RAP1GAP2: variants seen among roughly 807,000 people sequenced by gnomAD.
RAP1GAP2 encodes RAP1 GTPase activating protein 2, also known as rap1 GTPase-activating protein 2.
A neutral mutation model predicts 95.0 loss-of-function variants in RAP1GAP2; 27 were observed. That is an observed-to-expected ratio of 0.28 (90% CI 0.21 to 0.39). The LOEUF (loss-of-function observed/expected upper bound fraction) is 0.39, where lower values mean the gene tolerates loss of function less well. Among genes scored for constraint, RAP1GAP2 ranks in the 10% least tolerant of loss-of-function variants. RAP1GAP2 has a pLI of 1.00. For synonymous variants in RAP1GAP2, 373 were observed against 380.9 expected, an observed-to-expected ratio of 0.98 and a Z score of 0.24; for missense variants, 771 against 970.0, an observed-to-expected ratio of 0.79 and a Z score of 2.72.
chr17:2,800,695 G>C lies in RAP1GAP2; in HGVS notation c.80+145G>C, dbSNP rs536145068. ...TCCGAGTCCATGGTGCTTCCAGATC[G>C]GAGGAGGCTGGACTAACTCTTATTC... On this transcript the variant is annotated intron_variant, in intron 2 of 24. Coordinates refer to ENST00000254695, the MANE Select transcript of RAP1GAP2 (RefSeq NM_015085.5). 4 of 871,142 alleles carry C rather than the reference G, an allele frequency of 4.6e-6. No homozygotes were observed. The East Asian group carries it at 1.1e-4, about 23-fold the overall frequency. 54.0% of individuals were successfully genotyped at this position (871,142 alleles called of 1,614,324 possible).
chr17:2,918,413 A>G (rs948305975), intron 3 of RAP1GAP2, among the ~76,000 whole-genome samples: 4 of 147,948 alleles, frequency 2.7e-5, no homozygotes, highest in African/African-American at 1.0e-4. Flanking sequence ...AGCCTGGGCA[A>G]TAGAATGAGA....
chr17:2,882,494 G>A (rs914702005), intron 2 of RAP1GAP2, among the ~76,000 whole-genome samples: 1 of 151,704 alleles, frequency 6.6e-6, no homozygotes, highest in East Asian at 2.0e-4. Flanking sequence ...GTTTCGCCAC[G>A]TTGGCCAGGC....
At chr17:2,847,289 G>A (rs1417735526) in intron 2 of RAP1GAP2, among the ~76,000 whole-genome samples, 1 of 152,194 alleles carries the variant, frequency 6.6e-6, no homozygotes, top group Non-Finnish European at 1.5e-5. Context: ...TTGCAGGTGT[G>A]AGCCACCGCG....
At chr17:2,800,673 G>A (rs1356706203) in intron 2 of RAP1GAP2, 123 bp downstream of exon 2, 212 of 1,042,816 alleles carry the variant, frequency 2.0e-4, no homozygotes, top group South Asian at 2.9e-4. Flanking sequence ...ATTCCAGTCC[G>A]AGTCCATGGT....
At chr17:2,787,458 G>A (rs1246333452) in intron 1 of RAP1GAP2, among the ~76,000 whole-genome samples, 2 of 152,006 alleles carry the variant, frequency 1.3e-5, no homozygotes, top group Admixed American at 1.3e-4. Flanking sequence ...GTCTTACTAT[G>A]TTGCTGGGAC....
At chr17:2,800,349 A>T (rs1473827362) in intron 1 of RAP1GAP2, 166 bp from the exon 2 acceptor site, 1 of 745,592 alleles carries the variant, frequency 1.3e-6, no homozygotes, top group African/African-American at 1.9e-5. Flanking sequence ...CCCAGCACTC[A>T]GAGGCGTCTC....
At position 2,796,596 on chromosome 17, in the gene RAP1GAP2, G is replaced by A. The variant is rs763148348; in HGVS notation, c.44+25G>A. ...GGTGGGTGACAGGTGGGAGGGTGGG[G>A]GAATGATGGGAGAGAACTTAGAAGT... is the stretch of plus-strand genomic sequence containing the variant. On this transcript the variant is annotated intron_variant, in intron 1 of 24. Transcript: ENST00000254695. The surrounding 1 kb of genome is among the most constrained non-coding windows in gnomAD (Gnocchi z 4.7). 6.4e-7 allele frequency: 1 copy of A among 1,553,628 alleles called. No individual in the cohort carries two copies.
intron 2 of RAP1GAP2, among the ~76,000 whole-genome samples, chr17:2,869,579 A>G (rs572395094): frequency 6.6e-6 from 1 of 152,248 alleles, no homozygotes; most frequent in East Asian, 1.9e-4. Context: ...TTGGGAACCA[A>G]AGTGCCTTGG....
chr17:2,984,073 G>A (rs925817592), intron 10 of RAP1GAP2, among the ~76,000 whole-genome samples: 1 of 152,218 alleles, frequency 6.6e-6, no homozygotes, highest in Non-Finnish European at 1.5e-5. Context: ...AGTTTAGGCT[G>A]GGCGTGGTAG....
At chr17:2,971,775 A>G (rs1450140954) in intron 8 of RAP1GAP2, among the ~76,000 whole-genome samples, 2 of 152,260 alleles carry the variant, frequency 1.3e-5, no homozygotes, top group East Asian at 3.9e-4. Context: ...GGTGGCTATT[A>G]TTATTATCAA....
rs771673418 is a variant in RAP1GAP2, at chr17:3,005,930, C to T, written c.1273-25C>T. ...CTGGCAACAGCCGAGAGTGACAGAC[C>T]TGAGGTCCGTCTTGTCTCTTCCAGG... On this transcript the variant is annotated intron_variant, in intron 15 of 24. Coordinates refer to ENST00000254695, the MANE Select transcript of RAP1GAP2 (RefSeq NM_015085.5). The surrounding 1 kb of genome is among the most constrained non-coding windows in gnomAD (Gnocchi z 5.2). 5 of 1,604,952 alleles carry T rather than the reference C, an allele frequency of 3.1e-6. No individual in the cohort carries two copies. The Admixed American group carries it at 8.3e-5, about 27-fold the overall frequency.
intron 2 of RAP1GAP2, among the ~76,000 whole-genome samples, chr17:2,820,247 G>A (rs921530833): frequency 5.3e-5 from 8 of 152,106 alleles, no homozygotes; most frequent in South Asian, 4.1e-4. Flanking sequence ...CCCTCTGTGC[G>A]TTTGTGTGAG....
At chr17:2,998,038 C>T (rs1284035409) in intron 13 of RAP1GAP2, among the ~76,000 whole-genome samples, 183 bp from the exon 14 acceptor site, 1 of 152,168 alleles carries the variant, frequency 6.6e-6, no homozygotes, top group African/African-American at 2.4e-5. Flanking sequence ...ATGCACTTCT[C>T]CCCTTGCTGC....
intron 3 of RAP1GAP2, among the ~76,000 whole-genome samples, chr17:2,912,341 C>T (rs2042415846): frequency 6.6e-6 from 1 of 152,180 alleles, no homozygotes; most frequent in East Asian, 1.9e-4. Flanking sequence ...AGCACAGCCC[C>T]CGGCCTGATT....
chr17:2,916,526 T>G (rs1292806981), intron 3 of RAP1GAP2, among the ~76,000 whole-genome samples: 2 of 152,232 alleles, frequency 1.3e-5, no homozygotes, highest in Non-Finnish European at 2.9e-5. Flanking sequence ...GGTTTGTCTG[T>G]GTGGGTCTGA....
chr17:2,840,266 C>T (rs571487465), intron 2 of RAP1GAP2, among the ~76,000 whole-genome samples: 6 of 148,710 alleles, frequency 4.0e-5, no homozygotes, highest in East Asian at 2.1e-4. Context: ...TGGATTCAAG[C>T]GATTCTCCTG....
At chr17:2,780,900 G>A (rs547420388) in intron 1 of RAP1GAP2, among the ~76,000 whole-genome samples, 15 of 152,328 alleles carry the variant, frequency 9.8e-5, no homozygotes, top group African/African-American at 3.6e-4. Context: ...AGGAAGTTCT[G>A]CCTCATGTCT....
At chr17:2,975,637 C>T (rs1357016284) in intron 8 of RAP1GAP2, among the ~76,000 whole-genome samples, 1 of 152,204 alleles carries the variant, frequency 6.6e-6, no homozygotes, top group Non-Finnish European at 1.5e-5. Flanking sequence ...CAGGAACTCA[C>T]GTGTGTAGCT....
At chr17:2,845,757 A>T (rs1235064490) in intron 2 of RAP1GAP2, among the ~76,000 whole-genome samples, 1 of 152,006 alleles carries the variant, frequency 6.6e-6, no homozygotes, top group Non-Finnish European at 1.5e-5. Flanking sequence ...GCTACTCTGG[A>T]GGCTGAGGCA....
Sources: allele counts gnomAD v4.1 joint callset (sites outside exome capture counted in the v4.1 genomes callset), GRCh38; gene constraint gnomAD v4.1.1; non-coding constraint Gnocchi (gnomAD v3.1); transcripts MANE v1.5; gene names NCBI Gene and HGNC (gene_info 2026-07-23, HGNC 2026-07-21).